The following ESYT2 variants were observed in gnomAD, a reference collection of about 807,000 sequenced individuals.
The protein encoded by ESYT2 is extended synaptotagmin-2.
A neutral mutation model predicts 107.2 loss-of-function variants in ESYT2; 54 were observed. The observed-to-expected ratio is 0.50, with a 90% confidence interval of 0.40 to 0.63. ESYT2 has a LOEUF of 0.63. ESYT2 is among the 30% of genes least tolerant of loss of function. The probability of loss-of-function intolerance (pLI) is 0.00; values close to 1 mark genes in which losing one functional copy is unlikely to be tolerated. For synonymous variants in ESYT2, 491 were observed against 434.1 expected (o/e 1.13, Z -1.63); for missense variants, 1,020 against 1,094.5 (o/e 0.93, Z 0.96).
chr7:158,779,586 G>A (rs1170201819), intron 6 of ESYT2, among the ~76,000 whole-genome samples: 1 of 152,084 alleles, frequency 6.6e-6, no homozygotes, highest in Non-Finnish European at 1.5e-5. Flanking sequence ...ATAAGCCAAG[G>A]ACAGAATGAA....
chr7:158,783,422 G>A (rs1441954547), intron 6 of ESYT2, among the ~76,000 whole-genome samples: 1 of 152,176 alleles, frequency 6.6e-6, no homozygotes, highest in Non-Finnish European at 1.5e-5. Context: ...TGGGAAGTCT[G>A]TTGGAAATAC....
chr7:158,765,076 G>A (rs909793466), intron 8 of ESYT2, among the ~76,000 whole-genome samples: 8 of 152,172 alleles, frequency 5.3e-5, no homozygotes, highest in Admixed American at 1.3e-4. Flanking sequence ...GTGCCCAGGT[G>A]AGGCTGGCTC....
At chr7:158,765,545 C>G (rs1224539516) in intron 8 of ESYT2, among the ~76,000 whole-genome samples, 1 of 151,946 alleles carries the variant, frequency 6.6e-6, no homozygotes, top group Non-Finnish European at 1.5e-5. Flanking sequence ...ACCAGCCTGG[C>G]CAACATGGCA....
chr7:158,782,390 G>GTGTA (rs1243580399), intron 6 of ESYT2, among the ~76,000 whole-genome samples: 1 of 149,378 alleles, frequency 6.7e-6, no homozygotes, highest in East Asian at 2.0e-4. Context: ...AGTGAGGTAA[G>GTGTA]AACGAGAACA....
intron 1 of ESYT2, among the ~76,000 whole-genome samples, chr7:158,828,179 T>TA (rs1840510863): frequency 6.6e-6 from 1 of 152,232 alleles, no homozygotes; most frequent in Non-Finnish European, 1.5e-5. Flanking sequence ...GAGAGACACT[T>TA]ACTGCCCTTG....
intron 6 of ESYT2, among the ~76,000 whole-genome samples, chr7:158,785,991 G>A (rs1395604715): frequency 6.6e-6 from 1 of 152,178 alleles, no homozygotes; most frequent in Non-Finnish European, 1.5e-5. Flanking sequence ...TTACTTGGCA[G>A]CCAGCTGTAA....
intron 6 of ESYT2, among the ~76,000 whole-genome samples, chr7:158,784,729 GC>G: frequency 6.6e-6 from 1 of 152,170 alleles, no homozygotes; most frequent in East Asian, 1.9e-4. Flanking sequence ...TTTGCTTAAA[GC>G]ACATCAATTT....
chr7:158,778,668 T>C (rs536280144), intron 6 of ESYT2, among the ~76,000 whole-genome samples: 1 of 152,332 alleles, frequency 6.6e-6, no homozygotes, highest in South Asian at 2.1e-4. Flanking sequence ...ATGATGGCAC[T>C]GTCTCTCCAG....
At chr7:158,786,048 T>C (rs1260953725) in intron 6 of ESYT2, among the ~76,000 whole-genome samples, 1 of 152,234 alleles carries the variant, frequency 6.6e-6, no homozygotes, top group Non-Finnish European at 1.5e-5. Flanking sequence ...ATTTTCCTTT[T>C]CACTGGAGTA....
chr7:158,771,538 C>T (rs150512221), intron 7 of ESYT2, among the ~76,000 whole-genome samples: 22 of 152,306 alleles, frequency 1.4e-4, no homozygotes, highest in African/African-American at 3.8e-4. Context: ...GCGGGAAAGG[C>T]GACTAAGTCC....
intron 6 of ESYT2, among the ~76,000 whole-genome samples, chr7:158,777,740 A>G (rs1838619829): frequency 6.6e-6 from 1 of 152,208 alleles, no homozygotes; most frequent in South Asian, 2.1e-4. Context: ...GAATCTTTAT[A>G]GCGGTGTGAG....
chr7:158,792,025 C>G (rs1355987020), intron 4 of ESYT2, among the ~76,000 whole-genome samples: 1 of 151,958 alleles, frequency 6.6e-6, no homozygotes, highest in Non-Finnish European at 1.5e-5. Context: ...CTTTTTGATT[C>G]TATTACAAAT....
chr7:158,813,106 G>A (rs1475956632), intron 1 of ESYT2, among the ~76,000 whole-genome samples: 1 of 152,116 alleles, frequency 6.6e-6, no homozygotes, highest in African/African-American at 2.4e-5. Context: ...TGAAACAAAT[G>A]AGCTATCAAG....
intron 21 of ESYT2, among the ~76,000 whole-genome samples, chr7:158,734,804 A>G (rs1836863214): frequency 6.6e-6 from 1 of 152,188 alleles, no homozygotes; most frequent in African/African-American, 2.4e-5. Flanking sequence ...AAACAAATAC[A>G]TAAAGTAGGC....
intron 1 of ESYT2, among the ~76,000 whole-genome samples, chr7:158,824,822 T>A (rs374340154): frequency 5.0e-4 from 76 of 152,162 alleles, no homozygotes; most frequent in African/African-American, 1.8e-3. Flanking sequence ...TAATGAAAAA[T>A]TGCCCTTATT....
chr7:158,780,529 A>G (rs770824198), intron 6 of ESYT2, among the ~76,000 whole-genome samples: 2 of 152,256 alleles, frequency 1.3e-5, no homozygotes, highest in Non-Finnish European at 2.9e-5. Flanking sequence ...TCAGAAAAAC[A>G]TTACTTTGTC....
intron 20 of ESYT2, 59 bp downstream of exon 20, chr7:158,736,989 C>G: frequency 6.3e-7 from 1 of 1,599,914 alleles, no homozygotes; most frequent in Non-Finnish European, 8.5e-7. Context: ...CCATTTAGGG[C>G]CTTCTTAATC....
At position 158,733,521 on chromosome 7, in the gene ESYT2, C is replaced by T. The variant is rs1012821306; in HGVS notation, c.*686G>A. On this transcript the variant is annotated 3_prime_UTR_variant, in exon 23 of 23. Coordinates refer to ENST00000275418, the MANE Select transcript of ESYT2 (RefSeq NM_001367773.1). ...ATGTGATTTATGAACCATGACAATTCTCTTAATATATTACTCAGTTATAAA... is the reference window on the plus strand; with the variant it reads ...ATGTGATTTATGAACCATGACAATTTTCTTAATATATTACTCAGTTATAAA... The T allele has an allele frequency of 2.0e-5, 3 of 152,196 alleles. No individual in the cohort carries two copies. The highest frequency in any genetic ancestry group is 7.2e-5 in the African/African-American group (3 of 41,442). 9.4% of individuals were successfully genotyped at this position (152,196 alleles called of 1,614,324 possible).
At chr7:158,781,047 TGAG>T (rs1370383723) in intron 6 of ESYT2, among the ~76,000 whole-genome samples, 1 of 152,122 alleles carries the variant, frequency 6.6e-6, no homozygotes, top group Non-Finnish European at 1.5e-5. Context: ...TGAGAATATG[TGAG>T]GAGTGTGTGA....
Sources: gnomAD v4.1 joint callset for allele counts (sites outside exome capture counted in the v4.1 genomes callset) on GRCh38, gnomAD v4.1.1 for gene constraint, MANE v1.5 for transcripts, NCBI Gene and HGNC (gene_info 2026-07-23, HGNC 2026-07-21) for gene names.